Variants in RBFOX1 observed in about 807,000 individuals in gnomAD.
RBFOX1 encodes the protein RNA binding protein fox-1 homolog 1.
RBFOX1 carries 8 observed loss-of-function variants against 57.7 expected under a neutral mutation model. That is an observed-to-expected ratio of 0.14 (90% CI 0.08 to 0.25). The LOEUF (loss-of-function observed/expected upper bound fraction) is 0.25, where lower values mean the gene tolerates loss of function less well. Ranked by LOEUF, RBFOX1 falls within the 10% of genes least tolerant of loss-of-function variation. The pLI is 1.00. For missense variants in RBFOX1, 611 were observed against 548.5 expected, an observed-to-expected ratio of 1.11 and a Z score of -1.14; for synonymous variants, 326 against 222.4, an observed-to-expected ratio of 1.47 and a Z score of -4.15.
intron 3 of RBFOX1, among the ~76,000 whole-genome samples, chr16:6,830,823 T>C (rs1376670565): frequency 2.0e-5 from 3 of 152,182 alleles, no homozygotes; most frequent in African/African-American, 4.8e-5. Context: ...AAAATCGGTG[T>C]TGACTTTACA....
chr16:6,811,181 T>C lies in RBFOX1; in HGVS notation c.-16+156531T>C, dbSNP rs538213598. ...AGGAAGAATTAAGTGATATGAGAGT[T>C]TGGAAAATAATTGAAGAGACCTGCC... On this transcript the variant is annotated intron_variant, in intron 3 of 15. Transcript: ENST00000550418. 5.9e-5 allele frequency among the ~76,000 whole-genome samples: 9 copies of C among 152,240 alleles called. No homozygotes were observed. The South Asian group carries it at 1.7e-3, about 28-fold the overall frequency.
intron 2 of RBFOX1, among the ~76,000 whole-genome samples, chr16:6,567,584 G>A (rs754901245): frequency 6.6e-6 from 1 of 152,036 alleles, no homozygotes; most frequent in African/African-American, 2.4e-5. Flanking sequence ...CTTGTTCTCA[G>A]TCTCTGTCCA....
At chr16:6,320,535 G>T (rs1476744682) in intron 2 of RBFOX1, among the ~76,000 whole-genome samples, 1 of 151,832 alleles carries the variant, frequency 6.6e-6, no homozygotes, top group Non-Finnish European at 1.5e-5. Flanking sequence ...AAGATTTAAG[G>T]TATATATGAG....
intron 1 of RBFOX1, among the ~76,000 whole-genome samples, chr16:6,050,817 T>C (rs1166812770): frequency 6.6e-6 from 1 of 152,054 alleles, no homozygotes; most frequent in South Asian, 2.1e-4. Context: ...AGCTTGTTTA[T>C]TTGCATACTC....
chr16:6,497,665 TCCTG>T (rs1302567434), intron 2 of RBFOX1, among the ~76,000 whole-genome samples: 3 of 152,026 alleles, frequency 2.0e-5, no homozygotes, highest in Admixed American at 6.6e-5. Flanking sequence ...CAAGTGATTG[TCCTG>T]CCTCAGCCTC....
In RBFOX1 at chr16:5,732,973, G is replaced by A. The variant is rs577627989; in HGVS notation, c.318+134012G>A. Among the ~76,000 whole-genome samples the A allele has an allele frequency of 2.0e-5, 3 of 152,214 alleles. No individual in the cohort carries two copies. The South Asian group carries it at 6.2e-4, about 32-fold the overall frequency. On this transcript the variant is annotated intron_variant, in intron 3 of 19. Transcript: ENST00000641259. ...TTGAGCTTTTTGGGGTGATGGAAAT[G>A]TTCCATGTTTTTATTGCGATGGTGA...
At chr16:7,203,782 C>G (rs1350235874) in intron 4 of RBFOX1, among the ~76,000 whole-genome samples, 1 of 152,168 alleles carries the variant, frequency 6.6e-6, no homozygotes, top group African/African-American at 2.4e-5. Context: ...TCATAACCCA[C>G]CAAGCAAAGG....
chr16:5,852,778 T>G (rs894132358), intron 3 of RBFOX1, among the ~76,000 whole-genome samples: 1 of 152,066 alleles, frequency 6.6e-6, no homozygotes, highest in African/African-American at 2.4e-5. Flanking sequence ...TGCAGTGAGT[T>G]ATGATTGTAC....
chr16:5,696,233 C>T (rs2050838804), intron 3 of RBFOX1, among the ~76,000 whole-genome samples: 1 of 152,180 alleles, frequency 6.6e-6, no homozygotes, highest in African/African-American at 2.4e-5. Context: ...TTTTCATTGT[C>T]TTCCTTAGCT....
At chr16:7,610,011 T>C (rs1257194800) in intron 10 of RBFOX1, among the ~76,000 whole-genome samples, 2 of 149,378 alleles carry the variant, frequency 1.3e-5, no homozygotes, top group African/African-American at 5.0e-5. Flanking sequence ...GGAGATGGGG[T>C]TTCACCCTGT....
chr16:7,711,680 T>A lies in RBFOX1; in HGVS notation c.*935T>A, dbSNP rs1374440159. The A allele has an allele frequency of 2.0e-5, 3 of 152,650 alleles. No individual in the cohort carries two copies. The highest frequency in any genetic ancestry group is 7.2e-5 in the African/African-American group (3 of 41,454). The allele number at this position is 152,650 out of a possible 1,614,324, so 9.5% of individuals were successfully genotyped here. A position where few individuals can be genotyped will look rare whatever the true frequency, so the allele number is the denominator to read the frequency against. On this transcript the variant is annotated 3_prime_UTR_variant, in exon 16 of 16. Coordinates refer to ENST00000550418, the MANE Select transcript of RBFOX1 (RefSeq NM_018723.4). Reference sequence around the variant, plus strand: ...TTAAAAAAAATGTATAAAATTTACATCTGTGCAGTGGAGTTGTTAAGTTCT... The same window carrying A: ...TTAAAAAAAATGTATAAAATTTACAACTGTGCAGTGGAGTTGTTAAGTTCT...
chr16:7,365,093 C>G (rs559857613), intron 4 of RBFOX1, among the ~76,000 whole-genome samples: 2 of 152,150 alleles, frequency 1.3e-5, no homozygotes, highest in Non-Finnish European at 2.9e-5. Context: ...ATCTATCCAT[C>G]CATCTATCCA....
At chr16:6,059,992 C>G (rs2095662456) in intron 1 of RBFOX1, among the ~76,000 whole-genome samples, 2 of 152,062 alleles carry the variant, frequency 1.3e-5, no homozygotes, top group Admixed American at 6.6e-5. Context: ...GGAGGATTCT[C>G]CAACTTTCTG....
chr16:6,179,493 G>A (rs186149637), intron 1 of RBFOX1, among the ~76,000 whole-genome samples: 28 of 152,154 alleles, frequency 1.8e-4, no homozygotes, highest in African/African-American at 6.7e-4. Context: ...CATCTTCTGG[G>A]GGCTGGGCTG....
At chr16:7,516,047 G>A (rs1343092617) in intron 4 of RBFOX1, among the ~76,000 whole-genome samples, 7 of 152,136 alleles carry the variant, frequency 4.6e-5, no homozygotes, top group African/African-American at 1.7e-4. Flanking sequence ...GTTTCACCAT[G>A]TTGCCCAGTC....
intron 3 of RBFOX1, among the ~76,000 whole-genome samples, chr16:6,822,937 G>C (rs565649172): frequency 1.3e-5 from 2 of 152,198 alleles, no homozygotes; most frequent in Non-Finnish European, 2.9e-5. Flanking sequence ...GGATAGTTCT[G>C]ATAACCATTA....
intron 2 of RBFOX1, among the ~76,000 whole-genome samples, chr16:6,597,709 T>A (rs1197328545): frequency 6.6e-6 from 1 of 152,018 alleles, no homozygotes; most frequent in Non-Finnish European, 1.5e-5. Context: ...GGGACCCAAT[T>A]CTGGCTGCTG....
chr16:6,725,543 A>G (rs1253107706), intron 3 of RBFOX1, among the ~76,000 whole-genome samples: 1 of 152,146 alleles, frequency 6.6e-6, no homozygotes, highest in Non-Finnish European at 1.5e-5. Flanking sequence ...AAACTCACAA[A>G]TAATCCACCC....
intron 4 of RBFOX1, among the ~76,000 whole-genome samples, chr16:7,196,195 C>A (rs1424506490): frequency 6.6e-6 from 1 of 152,124 alleles, no homozygotes; most frequent in Non-Finnish European, 1.5e-5. Context: ...TCAGTATGTT[C>A]CATAGTCAGA....
Sources: gnomAD v4.1 joint callset for allele counts (sites outside exome capture counted in the v4.1 genomes callset) on GRCh38, gnomAD v4.1.1 for gene constraint, MANE v1.5 for transcripts, NCBI Gene and HGNC (gene_info 2026-07-23, HGNC 2026-07-21) for gene names.